The following RUBCN variants were observed in gnomAD, a reference collection of about 807,000 sequenced individuals.
RUBCN encodes the protein rubicon autophagy regulator, also known as run domain Beclin-1-interacting and cysteine-rich domain-containing protein.
A neutral mutation model predicts 113.2 loss-of-function variants in RUBCN; 74 were observed. The ratio of observed to expected loss-of-function variants is 0.65; its 90% confidence interval spans 0.54 to 0.79. The LOEUF (loss-of-function observed/expected upper bound fraction) is 0.79, where lower values mean the gene tolerates loss of function less well. RUBCN is among the 30% of genes least tolerant of loss of function. The probability of loss-of-function intolerance (pLI) is 0.00; values close to 1 mark genes in which losing one functional copy is unlikely to be tolerated. For synonymous variants in RUBCN, 480 were observed against 490.0 expected, an observed-to-expected ratio of 0.98 and a Z score of 0.27; for missense variants, 1,109 against 1,251.7, an observed-to-expected ratio of 0.89 and a Z score of 1.72.
At chr3:197,743,848 G>A (rs938950658) in intron 1 of RUBCN, among the ~76,000 whole-genome samples, 17 of 152,148 alleles carry the variant, frequency 1.1e-4, no homozygotes, top group African/African-American at 3.6e-4. Flanking sequence ...GCCGGGCGTG[G>A]TGGCGAGCGC....
chr3:197,696,095 G>A, intron 8 of RUBCN, 114 bp from the exon 9 acceptor site: 2 of 977,956 alleles, frequency 2.0e-6, no homozygotes, highest in Non-Finnish European at 1.6e-6. Context: ...GAGGTTGGAA[G>A]AAGATGTCCA....
chr3:197,688,317 G>A (rs1278888942), intron 11 of RUBCN, among the ~76,000 whole-genome samples: 4 of 151,380 alleles, frequency 2.6e-5, no homozygotes, highest in Admixed American at 6.6e-5. Context: ...GTGAGCCACC[G>A]CTGGTCTCAA....
At position 197,681,688 on chromosome 3, in the gene RUBCN, C is replaced by G. The variant is rs960949722; in HGVS notation, c.2191+147G>C. 6.7e-6 allele frequency: 5 copies of G among 745,338 alleles called. No individual in the cohort carries two copies. Among genetic ancestry groups the G allele is most frequent in the Admixed American group, 2.0e-5 (1 of 50,140 alleles). The allele number at this position is 745,338 out of a possible 1,614,324, so 46.2% of individuals were successfully genotyped here. A position where few individuals can be genotyped will look rare whatever the true frequency, so the allele number is the denominator to read the frequency against. ...AATCATTTCCCTCCGATTGCCAGCACTCTTGCCTACTACGAACCTTTCTTT... is the reference window on the plus strand; with the variant it reads ...AATCATTTCCCTCCGATTGCCAGCAGTCTTGCCTACTACGAACCTTTCTTT... On this transcript the variant is annotated intron_variant, in intron 15 of 19. Transcript: ENST00000296343. This position sits in a 1 kb window ranked among gnomAD's most constrained non-coding sequence, Gnocchi z 5.5.
At position 197,700,651 on chromosome 3, in the gene RUBCN, G is replaced by C. The variant is rs1723541859; in HGVS notation, c.1223C>G (p.Ser408Cys). The change falls in exon 7 of 20, where the codon TCC becomes TGC. Residue 408 changes from serine (S) to cysteine (C), a missense_variant. Ser to Cys is a moderately radical substitution (Grantham distance 112). This residue lies in a region of RUBCN where 736 missense variants were observed against 779.6 expected (regional missense o/e 0.94). Coordinates refer to ENST00000296343, the MANE Select transcript of RUBCN (RefSeq NM_014687.4). The stretch of plus-strand genomic sequence containing the variant: ...GGAGGCAATGCTGGTATCCGAATGG[G>C]AGCGAATGTGGCTTTTCTTTGCCCC... Reference protein sequence around the residue: ...TSGAKKSHIRSHSDTSIASRG... With the variant: ...TSGAKKSHIRCHSDTSIASRG... 1.9e-6 allele frequency: 3 copies of C among 1,614,096 alleles called. No homozygotes were observed. Among genetic ancestry groups the C allele is most frequent in the South Asian group, 2.2e-5 (2 of 91,064 alleles).
chr3:197,677,632 T>C, intron 16 of RUBCN, 91 bp from the exon 17 acceptor site: 6 of 1,160,284 alleles, frequency 5.2e-6, no homozygotes, highest in Non-Finnish European at 7.8e-6. Context: ...ACCCTGGGGT[T>C]CTAGAAGCCT....
intron 2 of RUBCN, among the ~76,000 whole-genome samples, chr3:197,711,842 G>A (rs1725001926): frequency 6.6e-6 from 1 of 151,962 alleles, no homozygotes; most frequent in South Asian, 2.1e-4. Flanking sequence ...GTTATAGAGT[G>A]ATATATATAG....
rs1560440891 is a variant in RUBCN, at chr3:197,705,072, C to CTTACTCTTACCT, written c.303+19_303+20insAGGTAAGAGTAA. On this transcript the variant is annotated intron_variant, in intron 3 of 19. Coordinates refer to ENST00000296343, the MANE Select transcript of RUBCN (RefSeq NM_014687.4). ...AGACCCACAGCTCTGCCAGCACAGC[C>CTTACTCTTACCT]GCTCTGCTCTCACTCTTACCTTCTC... 1.3e-6 allele frequency: 2 copies of CTTACTCTTACCT among 1,597,558 alleles called. No homozygotes were observed. Among genetic ancestry groups the CTTACTCTTACCT allele is most frequent in the Non-Finnish European group, 1.7e-6 (2 of 1,166,536 alleles).
In RUBCN at chr3:197,707,159, G is replaced by A. The variant is rs574661435; in HGVS notation, c.220-1984C>T. On this transcript the variant is annotated intron_variant, in intron 2 of 19. Transcript: ENST00000296343. ...GAGGTCAAGACCACAGTGAAACCCC[G>A]TCTCTACTAAAAATACAAAAAAATT... 1.1e-3 allele frequency among the ~76,000 whole-genome samples: 150 copies of A among 142,820 alleles called. 8 individuals carry two copies. The highest frequency in any genetic ancestry group is 3.3e-3 in the African/African-American group (107 of 32,858). 93.7% of individuals were successfully genotyped at this position (142,820 alleles called of 152,430 possible).
In RUBCN at chr3:197,681,432, T is replaced by A. The variant is rs1051013450; in HGVS notation, c.2192-65A>T. 3.9e-6 allele frequency: 5 copies of A among 1,275,400 alleles called. No homozygotes were observed. Among genetic ancestry groups the A allele is most frequent in the Non-Finnish European group, 5.7e-6 (5 of 876,772 alleles). 79.0% of individuals were successfully genotyped at this position (1,275,400 alleles called of 1,614,324 possible). ...CCCATCTACAAGCTGGGAAGGCAGC[T>A]CTGCTTTTCCCTTGAAAGGGCAGAG... On this transcript the variant is annotated intron_variant, in intron 15 of 19. Transcript: ENST00000296343. This position sits in a 1 kb window ranked among gnomAD's most constrained non-coding sequence, Gnocchi z 5.5.
In RUBCN at chr3:197,731,321, C is replaced by A. The variant is rs1019466145; in HGVS notation, c.65+5334G>T. Among the ~76,000 whole-genome samples, 7 of 152,268 alleles carry A rather than the reference C, an allele frequency of 4.6e-5. 1 individual carries two copies. In the East Asian group the frequency reaches 5.8e-4, roughly 13 times the overall value. On this transcript the variant is annotated intron_variant, in intron 1 of 19. Coordinates refer to ENST00000296343, the MANE Select transcript of RUBCN (RefSeq NM_014687.4). Reference sequence around the variant, plus strand: ...AGCACAGGGTTGGGGGTAACGTCACCGATCAACAGGATCCCAAGGCAGAAG... The same window carrying A: ...AGCACAGGGTTGGGGGTAACGTCACAGATCAACAGGATCCCAAGGCAGAAG...
chr3:197,672,367 T>A lies in RUBCN; in HGVS notation c.*2651A>T, dbSNP rs139486343. On this transcript the variant is annotated 3_prime_UTR_variant, in exon 20 of 20. Transcript: ENST00000296343. Reference sequence around the variant, plus strand: ...CTTCTCCCCGCAACAGCAGGGGATTTTCAGATAGTGGTAACTTGCAAAGTG... The same window carrying A: ...CTTCTCCCCGCAACAGCAGGGGATTATCAGATAGTGGTAACTTGCAAAGTG... 6.6e-6 allele frequency: 1 copy of A among 152,324 alleles called. No individual in the cohort carries two copies. Among genetic ancestry groups the A allele is most frequent in the Non-Finnish European group, 1.5e-5 (1 of 68,026 alleles). The allele number at this position is 152,324 out of a possible 1,614,324, so 9.4% of individuals were successfully genotyped here.
At chr3:197,676,822 AC>A (rs1279199270) in intron 18 of RUBCN, 62 bp downstream of exon 18, 6 of 1,611,560 alleles carry the variant, frequency 3.7e-6, no homozygotes, top group Non-Finnish European at 3.4e-6. Flanking sequence ...CCCCAGGTCC[AC>A]CCCCCTCCCT....
chr3:197,683,355 G>A lies in RUBCN; in HGVS notation c.1932C>T (p.Ala644=), dbSNP rs767134587. The change falls in exon 13 of 20, where the codon GCC becomes GCT. Residue 644 remains alanine (A), a synonymous_variant. Transcript: ENST00000296343. This position sits in a 1 kb window ranked among gnomAD's most constrained non-coding sequence, Gnocchi z 4.6. ...LKQFEGMQLP[A]ASELEWLVPE... is the part of the protein sequence containing the mutation. ...GGACAAGCCACTCCAGCTCCGAGGC[G>A]GCTGGAAGCTGCATCCCCTCAAACT... is the stretch of plus-strand genomic sequence containing the variant. 50 of 1,614,154 alleles carry A rather than the reference G, an allele frequency of 3.1e-5. 1 individual carries two copies. In the Admixed American group the frequency reaches 5.3e-4, roughly 17 times the overall value.
chr3:197,725,360 G>A (rs1417799398), intron 1 of RUBCN, among the ~76,000 whole-genome samples: 1 of 151,838 alleles, frequency 6.6e-6, no homozygotes, highest in Non-Finnish European at 1.5e-5. Context: ...AGGCTGTGTA[G>A]TTGAATGTGC....
At chr3:197,709,001 G>C (rs1724646907) in intron 2 of RUBCN, among the ~76,000 whole-genome samples, 1 of 152,094 alleles carries the variant, frequency 6.6e-6, no homozygotes, top group South Asian at 2.1e-4. Flanking sequence ...AATTGAAACT[G>C]GAAATTCTAT....
chr3:197,699,051 T>G (rs938723743), intron 7 of RUBCN: 8 of 713,822 alleles, frequency 1.1e-5, no homozygotes, highest in Non-Finnish European at 2.1e-5. Context: ...CTGGTATCAT[T>G]TTATAGACAG....
chr3:197,691,266 C>T (rs1722392767), intron 11 of RUBCN: 8 of 508,724 alleles, frequency 1.6e-5, no homozygotes, highest in Middle Eastern at 6.7e-4. Flanking sequence ...CATGAAATGG[C>T]GTTTAGGAAC....
intron 5 of RUBCN, among the ~76,000 whole-genome samples, chr3:197,702,246 T>C (rs182575187): frequency 3.0e-4 from 46 of 152,360 alleles, no homozygotes; most frequent in African/African-American, 9.9e-4. Context: ...GCCTCCTTTA[T>C]AAAATGAGAT....
At chr3:197,698,140 G>A (rs1397878805) in intron 7 of RUBCN, among the ~76,000 whole-genome samples, 1 of 152,204 alleles carries the variant, frequency 6.6e-6, no homozygotes, top group Non-Finnish European at 1.5e-5. Flanking sequence ...TACTTACTGA[G>A]TTCACTACCT....
Sources: gnomAD v4.1 joint callset for allele counts (sites outside exome capture counted in the v4.1 genomes callset) on GRCh38, gnomAD v4.1.1 for gene constraint, gnomAD v4.1.1 regional missense constraint, Gnocchi (gnomAD v3.1) non-coding constraint, MANE v1.5 for transcripts, NCBI Gene and HGNC (gene_info 2026-07-23, HGNC 2026-07-21) for gene names.